The following ZNF845 variants were observed in gnomAD, a reference collection of about 807,000 sequenced individuals.
ZNF845 encodes the protein zinc finger protein 845.
A neutral mutation model predicts 76.1 loss-of-function variants in ZNF845; 59 were observed. The ratio of observed to expected loss-of-function variants is 0.78; its 90% CI spans 0.63 to 0.96. The LOEUF (loss-of-function observed/expected upper bound fraction) is 0.96, where lower values mean the gene tolerates loss of function less well. ZNF845 is among the 40% of genes least tolerant of loss of function. ZNF845 has a pLI of 0.00. For missense variants in ZNF845, 1,045 were observed against 1,172.8 expected, an observed-to-expected ratio of 0.89 and a Z score of 1.59; for synonymous variants, 361 against 386.9, an observed-to-expected ratio of 0.93 and a Z score of 0.78.
intron 1 of ZNF845, among the ~76,000 whole-genome samples, chr19:53,335,876 C>A (rs945910695): frequency 2.6e-5 from 4 of 152,096 alleles, no homozygotes; most frequent in African/African-American, 9.6e-5. Context: ...GCTGGGATTA[C>A]AGGCATGAGC....
Position 53,354,063 on chromosome 19 carries a change from C to T in ZNF845, c.*475C>T. 1 of 486,454 alleles carries T rather than the reference C, an allele frequency of 2.1e-6. No homozygotes were observed. The highest frequency in any genetic ancestry group is 1.7e-5 in the South Asian group (1 of 60,456). The allele number at this position is 486,454 out of a possible 1,614,324, so 30.1% of individuals were successfully genotyped here. On this transcript the variant is annotated 3_prime_UTR_variant, in exon 4 of 4. Transcript: ENST00000458035. ...GCTTCATCTTATGCAAAACAGGAGA[C>T]TTCATACAGGAGACAAACTTCACAA...
At chr19:53,335,345 C>T (rs1054280019) in intron 1 of ZNF845, among the ~76,000 whole-genome samples, 4 of 152,120 alleles carry the variant, frequency 2.6e-5, no homozygotes, top group African/African-American at 9.7e-5. Context: ...ACTGCAGCCT[C>T]GACCTCCTAG....
chr19:53,347,715 A>G (rs2085306654), intron 3 of ZNF845, among the ~76,000 whole-genome samples: 1 of 152,138 alleles, frequency 6.6e-6, no homozygotes, highest in Non-Finnish European at 1.5e-5. Flanking sequence ...TGATGATGAG[A>G]TGTTCCTGTT....
chr19:53,336,081 A>G (rs1238524590), intron 1 of ZNF845, among the ~76,000 whole-genome samples: 1 of 152,056 alleles, frequency 6.6e-6, no homozygotes, highest in Non-Finnish European at 1.5e-5. Flanking sequence ...GCATGGTGGC[A>G]TGCACCTCTA....
chr19:53,340,655 GAA>G (rs111868273), intron 1 of ZNF845, among the ~76,000 whole-genome samples: 1 of 152,154 alleles, frequency 6.6e-6, no homozygotes, highest in East Asian at 1.9e-4. Context: ...GTAATATAAA[GAA>G]AAAATTACAT....
chr19:53,344,121 G>A (rs1202755796), intron 2 of ZNF845, among the ~76,000 whole-genome samples: 1 of 152,142 alleles, frequency 6.6e-6, no homozygotes, highest in Admixed American at 6.6e-5. Context: ...TAACAGGCAT[G>A]TGCCACTGTG....
At chr19:53,348,185 C>T (rs868454566) in intron 3 of ZNF845, among the ~76,000 whole-genome samples, 3 of 151,916 alleles carry the variant, frequency 2.0e-5, no homozygotes, top group African/African-American at 2.4e-5. Flanking sequence ...AGTGAGACTC[C>T]AGGCTGAGGT....
intron 1 of ZNF845, among the ~76,000 whole-genome samples, chr19:53,336,475 A>G (rs186096259): frequency 6.6e-6 from 1 of 152,288 alleles, no homozygotes; most frequent in East Asian, 1.9e-4. Flanking sequence ...GTACCACTGC[A>G]CTGCAGCCTG....
Position 53,345,583 on chromosome 19 carries a change from T to C in ZNF845, c.93T>C (p.Thr31=), listed in dbSNP as rs1356397647. The C allele has an allele frequency of 6.2e-7, 1 of 1,613,384 alleles. No individual in the cohort carries two copies. The highest frequency in any genetic ancestry group is 8.5e-7 in the Non-Finnish European group (1 of 1,179,552). Residue 31 remains threonine, a synonymous_variant, in exon 3 of 4, where the codon ACT becomes ACC. Transcript: ENST00000458035. ...AGTGCCTGGACCCTGCTCAGAGGACTCTATACAGGGACGTGATGCTGGAGA... is the reference window on the plus strand; with the variant it reads ...AGTGCCTGGACCCTGCTCAGAGGACCCTATACAGGGACGTGATGCTGGAGA... The part of the protein sequence containing the change: ...EWKCLDPAQR[T]LYRDVMLENY...
chr19:53,349,316 A>G (rs1398672551), intron 3 of ZNF845, among the ~76,000 whole-genome samples: 2 of 150,396 alleles, frequency 1.3e-5, no homozygotes, highest in Non-Finnish European at 3.0e-5. Context: ...TTGTTTTGAG[A>G]CAGAGTGGCG....
intron 3 of ZNF845, among the ~76,000 whole-genome samples, chr19:53,348,847 ATTTTTTT>A (rs565694028): frequency 5.2e-5 from 5 of 96,600 alleles, no homozygotes; most frequent in East Asian, 6.3e-4. Flanking sequence ...TTGTTAGTCA[ATTTTTTT>A]TTTTTTTTTT....
chr19:53,338,449 A>C (rs1167295479), intron 1 of ZNF845, among the ~76,000 whole-genome samples: 1 of 152,120 alleles, frequency 6.6e-6, no homozygotes, highest in African/African-American at 2.4e-5. Flanking sequence ...CTCAGCGTCA[A>C]GGGTCCTGGA....
chr19:53,354,091 A>T lies in ZNF845; in HGVS notation c.*503A>T. The T allele has an allele frequency of 1.9e-6, 1 of 519,148 alleles. No homozygotes were observed. Among genetic ancestry groups the T allele is most frequent in the South Asian group, 1.5e-5 (1 of 65,920 alleles). The allele number at this position is 519,148 out of a possible 1,614,324, so 32.2% of individuals were successfully genotyped here. Reference sequence around the variant, plus strand: ...CATACAGGAGACAAACTTCACAAGTATGATGATTGCAGCAAAGCCTTTACT... The same window carrying T: ...CATACAGGAGACAAACTTCACAAGTTTGATGATTGCAGCAAAGCCTTTACT... On this transcript the variant is annotated 3_prime_UTR_variant, in exon 4 of 4. Transcript: ENST00000458035.
rs909087800 is a variant in ZNF845 at position 53,356,660 on chromosome 19, T to A, written c.*3072T>A. ...AATTTGTAAATGAGGCCGGGCGTGG[T>A]GGCTCACGCCTGTAATCCCAGCACT... On this transcript the variant is annotated 3_prime_UTR_variant, in exon 4 of 4. Transcript: ENST00000458035. 1.3e-5 allele frequency: 2 copies of A among 152,230 alleles called. No individual in the cohort carries two copies. The highest frequency in any genetic ancestry group is 1.9e-4 in the East Asian group (1 of 5,198). The allele number at this position is 152,230 out of a possible 1,614,324, so 9.4% of individuals were successfully genotyped here. A position where few individuals can be genotyped will look rare whatever the true frequency, so the allele number is the denominator to read the frequency against.
Position 53,351,192 on chromosome 19 carries a change from T to C in ZNF845, c.517T>C (p.Leu173=), listed in dbSNP as rs1170797883. 3.7e-6 allele frequency: 6 copies of C among 1,614,246 alleles called. No individual in the cohort carries two copies. The highest frequency in any genetic ancestry group is 2.7e-5 in the African/African-American group (2 of 75,074). ...TGAGAAGTCTATCAACAGTGCTTCG[T>C]TGGTTTCAACATCCCAAAGAATTTC... is the stretch of plus-strand genomic sequence containing the variant. ...QVEKSINSAS[L]VSTSQRISCR... The change falls in exon 4 of 4, where the codon TTG becomes CTG. Residue 173 remains leucine, a synonymous_variant. Coordinates refer to ENST00000458035, the MANE Select transcript of ZNF845 (RefSeq NM_138374.3).
At chr19:53,346,714 C>A (rs969893505) in intron 3 of ZNF845, among the ~76,000 whole-genome samples, 1 of 152,182 alleles carries the variant, frequency 6.6e-6, no homozygotes, top group Non-Finnish European at 1.5e-5. Context: ...GAAAACTATT[C>A]TTTCTCCACT....
chr19:53,346,180 G>A (rs1419700782), intron 3 of ZNF845, among the ~76,000 whole-genome samples: 1 of 152,064 alleles, frequency 6.6e-6, no homozygotes, highest in Non-Finnish European at 1.5e-5. Flanking sequence ...TTACCGTTGT[G>A]TTTCTGTTTC....
chr19:53,344,175 C>G (rs763716134), intron 2 of ZNF845, among the ~76,000 whole-genome samples: 1 of 152,108 alleles, frequency 6.6e-6, no homozygotes, highest in Non-Finnish European at 1.5e-5. Flanking sequence ...TCACTGCGGA[C>G]GTTGTCATCT....
chr19:53,336,840 C>T (rs1360472417), intron 1 of ZNF845, among the ~76,000 whole-genome samples: 1 of 152,128 alleles, frequency 6.6e-6, no homozygotes, highest in Non-Finnish European at 1.5e-5. Flanking sequence ...AAATTAGTTG[C>T]GTCCAGTTCA....
Sources: gnomAD v4.1 joint callset for allele counts (sites outside exome capture counted in the v4.1 genomes callset) on GRCh38, gnomAD v4.1.1 for gene constraint, MANE v1.5 for transcripts, NCBI Gene and HGNC (gene_info 2026-07-23, HGNC 2026-07-21) for gene names.